The following IP6K1 variants were observed in gnomAD, a reference collection of about 807,000 sequenced individuals.
The protein encoded by IP6K1 is ATP:1D-myo-inositol-hexakisphosphate phosphotransferase.
In IP6K1, 13 loss-of-function variants were observed where a neutral mutation model predicts 38.3. The ratio of observed to expected loss-of-function variants is 0.34; its 90% CI spans 0.22 to 0.54. The LOEUF is 0.54. Among genes scored for constraint, IP6K1 ranks in the 20% least tolerant of loss-of-function variants. The pLI is 0.92. For missense variants in IP6K1, 397 were observed against 599.8 expected (o/e 0.66, Z 3.53); for synonymous variants, 212 against 229.9 (o/e 0.92, Z 0.70).
chr3:49,747,685 TA>T, intron 2 of IP6K1, 132 bp downstream of exon 2: 1 of 1,183,070 alleles, frequency 8.5e-7, no homozygotes, highest in South Asian at 1.6e-5. Context: ...TAATTTTATC[TA>T]ACAAAGTGAC....
At chr3:49,778,150 C>G (rs1461762116) in intron 1 of IP6K1, among the ~76,000 whole-genome samples, 4 of 149,948 alleles carry the variant, frequency 2.7e-5, no homozygotes, top group Non-Finnish European at 5.9e-5. Flanking sequence ...ATGGTGAAAC[C>G]CCGTCTGTAC....
At chr3:49,757,792 A>G (rs1189519580) in intron 1 of IP6K1, among the ~76,000 whole-genome samples, 1 of 152,194 alleles carries the variant, frequency 6.6e-6, no homozygotes. Flanking sequence ...CTTGTCACTC[A>G]CGCTAATTTC....
chr3:49,778,588 G>A (rs559836898), intron 1 of IP6K1, among the ~76,000 whole-genome samples: 1 of 151,982 alleles, frequency 6.6e-6, no homozygotes, highest in African/African-American at 2.4e-5. Context: ...AGCCGAGATC[G>A]TGCCTCTGCA....
intron 2 of IP6K1, among the ~76,000 whole-genome samples, chr3:49,743,470 A>G (rs2080691298): frequency 6.6e-6 from 1 of 152,002 alleles, no homozygotes; most frequent in South Asian, 2.1e-4. Flanking sequence ...CCTTGAGGCT[A>G]GGAGTTCAAA....
chr3:49,752,181 A>AT (rs869095793), intron 1 of IP6K1, among the ~76,000 whole-genome samples: 4 of 150,876 alleles, frequency 2.7e-5, no homozygotes, highest in Admixed American at 6.6e-5. Context: ...ACTTAAAAAA[A>AT]TTTTTTTTTT....
chr3:49,738,349 A>G lies in IP6K1; in HGVS notation c.297T>C (p.Ser99=). ...INLVAYPYVE[S]ETVEQDDTTE... ...TTGTGTCATCCTGTTCCACAGTCTCACTTTCCACATAAGGATAGGCCACTA... is the reference window on the plus strand; with the variant it reads ...TTGTGTCATCCTGTTCCACAGTCTCGCTTTCCACATAAGGATAGGCCACTA... Residue 99 remains serine (S), a synonymous_variant, in exon 3 of 6, where the codon AGT becomes AGC. Transcript: ENST00000321599. 6.2e-7 allele frequency: 1 copy of G among 1,613,890 alleles called. No homozygotes were observed. The highest frequency in any genetic ancestry group is 8.5e-7 in the Non-Finnish European group (1 of 1,179,900).
In IP6K1 at chr3:49,727,368, G is replaced by A; in HGVS notation, c.1080C>T (p.His360=). ...CCACCTCAGGGAGCACCATGTCCAG[G>A]TGCTTGAGACGCATCTCAGACCGGC... The part of the protein sequence containing the change: ...LDRRSEMRLK[H]LDMVLPEVAS... Residue 360 remains histidine (H), a synonymous_variant, in exon 6 of 6, where the codon CAC becomes CAT. Transcript: ENST00000321599. This position sits in a 1 kb window ranked among gnomAD's most constrained non-coding sequence, Gnocchi z 5.9. The A allele has an allele frequency of 1.2e-6, 2 of 1,614,102 alleles. No homozygotes were observed. The highest frequency in any genetic ancestry group is 1.7e-6 in the Non-Finnish European group (2 of 1,180,030).
intron 1 of IP6K1, among the ~76,000 whole-genome samples, chr3:49,757,073 A>C (rs2080829849): frequency 6.6e-6 from 1 of 152,202 alleles, no homozygotes; most frequent in Non-Finnish European, 1.5e-5. Flanking sequence ...ACACAAAACC[A>C]CAGAGCACTT....
chr3:49,752,347 G>C (rs1197565528), intron 1 of IP6K1, among the ~76,000 whole-genome samples: 4 of 151,870 alleles, frequency 2.6e-5, no homozygotes, highest in Non-Finnish European at 5.9e-5. Flanking sequence ...AATTAGACGG[G>C]TGTGGTGGCG....
At chr3:49,782,906 T>C (rs1265615056) in intron 1 of IP6K1, among the ~76,000 whole-genome samples, 2 of 147,872 alleles carry the variant, frequency 1.4e-5, no homozygotes, top group Non-Finnish European at 3.0e-5. Flanking sequence ...GGTCAGGAGT[T>C]TGAGACCAGC....
chr3:49,777,182 G>A (rs1302620317), intron 1 of IP6K1, among the ~76,000 whole-genome samples: 1 of 152,058 alleles, frequency 6.6e-6, no homozygotes, highest in East Asian at 1.9e-4. Flanking sequence ...GTTGCAGTGA[G>A]CCAAGATGGC....
intron 1 of IP6K1, among the ~76,000 whole-genome samples, chr3:49,752,905 C>G (rs2080790913): frequency 6.6e-6 from 1 of 151,746 alleles, no homozygotes. Flanking sequence ...CAAGCGCACC[C>G]CACCATGCCC....
Position 49,743,241 on chromosome 3 carries a change from T to TACACACACAC in IP6K1, c.223+4567_223+4576dup, listed in dbSNP as rs202144754. 3.3e-3 allele frequency among the ~76,000 whole-genome samples: 450 copies of TACACACACAC among 137,290 alleles called. 4 individuals carry two copies. Among genetic ancestry groups the TACACACACAC allele is most frequent in the Middle Eastern group, 0.019 (5 of 268 alleles). The allele number at this position is 137,290 out of a possible 152,430, so 90.1% of individuals were successfully genotyped here. On this transcript the variant is annotated intron_variant, in intron 2 of 5. Transcript: ENST00000321599. ...TCTCAAAACAAAAACAAAAACAAAA[T>TACACACACAC]ACACACACACACACACACACACACA...
In IP6K1 at chr3:49,724,489, A is replaced by G. The variant is rs909782771; in HGVS notation, c.*2633T>C. The G allele has an allele frequency of 2.0e-5, 3 of 152,334 alleles. No homozygotes were observed. Among genetic ancestry groups the G allele is most frequent in the African/African-American group, 7.2e-5 (3 of 41,484 alleles). 9.4% of individuals were successfully genotyped at this position (152,334 alleles called of 1,614,324 possible). On this transcript the variant is annotated 3_prime_UTR_variant, in exon 6 of 6. Transcript: ENST00000321599. The stretch of plus-strand genomic sequence containing the variant: ...TGGAGACAGGCTTAGCTTCCAGGAA[A>G]GAGCAGCAGAGAGCGATTCCCAGAA...
chr3:49,734,850 T>C (rs962321416), intron 3 of IP6K1, among the ~76,000 whole-genome samples: 3 of 152,136 alleles, frequency 2.0e-5, no homozygotes, highest in African/African-American at 7.2e-5. Context: ...CCTGGCTCTG[T>C]GAAGAAACAA....
intron 1 of IP6K1, among the ~76,000 whole-genome samples, chr3:49,765,645 TA>T (rs34536749): frequency 0.48 from 60,056 of 125,728 alleles, 14,389 homozygotes; most frequent in African/African-American, 0.57. Context: ...AGACTCGTCT[TA>T]AAAAAAAAAA....
At chr3:49,751,939 G>T (rs1461571099) in intron 1 of IP6K1, among the ~76,000 whole-genome samples, 1 of 152,082 alleles carries the variant, frequency 6.6e-6, no homozygotes, top group Non-Finnish European at 1.5e-5. Flanking sequence ...ACATACCATT[G>T]AATTCCAAAA....
chr3:49,736,832 C>T (rs1223532123), intron 3 of IP6K1, among the ~76,000 whole-genome samples: 1 of 146,436 alleles, frequency 6.8e-6, no homozygotes, highest in Non-Finnish European at 1.5e-5. Context: ...AGTGCAGTGG[C>T]ATGATCTCGG....
At position 49,727,152 on chromosome 3, in the gene IP6K1, G is replaced by A; in HGVS notation, c.1296C>T (p.Ile432=). The change falls in exon 6 of 6, where the codon ATC becomes ATT. Residue 432 remains isoleucine, a synonymous_variant. Coordinates refer to ENST00000321599, the MANE Select transcript of IP6K1 (RefSeq NM_153273.4). This position sits in a 1 kb window ranked among gnomAD's most constrained non-coding sequence, Gnocchi z 5.9. ...YVFGLENLIS[I]MEQMRDENQ ...GGTTCTCGTCCCGCATCTGTTCCAT[G>A]ATGCTGATGAGGTTCTCCAGGCCAA... 1.2e-6 allele frequency: 2 copies of A among 1,613,080 alleles called. No individual in the cohort carries two copies. The highest frequency in any genetic ancestry group is 8.5e-7 in the Non-Finnish European group (1 of 1,179,280).
Sources: gnomAD v4.1 joint callset for allele counts (sites outside exome capture counted in the v4.1 genomes callset) on GRCh38, gnomAD v4.1.1 for gene constraint, Gnocchi (gnomAD v3.1) non-coding constraint, MANE v1.5 for transcripts, NCBI Gene and HGNC (gene_info 2026-07-23, HGNC 2026-07-21) for gene names.